The following TXLNB variants were observed in gnomAD, a reference collection of about 807,000 sequenced individuals.
The protein encoded by TXLNB is taxilin beta, also known as beta-taxilin.
TXLNB carries 37 observed loss-of-function variants against 57.4 expected under a neutral mutation model. That is an observed-to-expected ratio of 0.64 (90% CI 0.50 to 0.85). TXLNB has a LOEUF of 0.85. Ranked by LOEUF, TXLNB falls within the 40% of genes least tolerant of loss-of-function variation. The pLI is 0.00. For missense variants in TXLNB, 848 were observed against 825.6 expected, an observed-to-expected ratio of 1.03 and a Z score of -0.33; for synonymous variants, 302 against 309.6, an observed-to-expected ratio of 0.98 and a Z score of 0.26.
chr6:139,209,233 A>G, the TXLNB span, among the ~76,000 whole-genome samples: 1 of 152,186 alleles, frequency 6.6e-6, no homozygotes, highest in Non-Finnish European at 1.5e-5. Flanking sequence ...TTAGGAATAT[A>G]CCTAATCAAG....
the TXLNB span, among the ~76,000 whole-genome samples, chr6:139,173,565 T>C: frequency 6.6e-6 from 1 of 152,168 alleles, no homozygotes; most frequent in Non-Finnish European, 1.5e-5. Flanking sequence ...GTTCTCCTGA[T>C]GGTAGTTTTT....
At chr6:139,220,279 A>C in the TXLNB span, among the ~76,000 whole-genome samples, 3 of 152,144 alleles carry the variant, frequency 2.0e-5, no homozygotes, top group African/African-American at 7.2e-5. Flanking sequence ...GCAAGAAATA[A>C]ATTTCTGTTG....
chr6:139,232,412 A>C, the TXLNB span, among the ~76,000 whole-genome samples: 1 of 152,248 alleles, frequency 6.6e-6, no homozygotes, highest in Non-Finnish European at 1.5e-5. Flanking sequence ...ACACAGAGCC[A>C]AACCATATTA....
chr6:139,271,672 T>TTGTAGACC (rs1776767338), intron 3 of TXLNB: 1 of 152,142 alleles, frequency 6.6e-6, no homozygotes, highest in Non-Finnish European at 1.5e-5. Context: ...TATTATGGAG[T>TTGTAGACC]TGTAGACCTG....
At chr6:139,161,624 C>T in the TXLNB span, among the ~76,000 whole-genome samples, 11 of 152,308 alleles carry the variant, frequency 7.2e-5, no homozygotes, top group South Asian at 2.3e-3. Context: ...AATTTTTCCT[C>T]TCTTAATCCA....
intron 8 of TXLNB, among the ~76,000 whole-genome samples, chr6:139,247,333 G>T (rs1476361889): frequency 6.6e-6 from 1 of 151,896 alleles, no homozygotes; most frequent in Non-Finnish European, 1.5e-5. Context: ...GTAGAGACAG[G>T]GTTTCACCAT....
At chr6:139,261,710 GATATGGATAAT>G in intron 5 of TXLNB, among the ~76,000 whole-genome samples, 1 of 152,034 alleles carries the variant, frequency 6.6e-6, no homozygotes, top group African/African-American at 2.4e-5. Flanking sequence ...TCATCTATAA[GATATGGATAAT>G]ATATTATTAT....
chr6:139,251,889 G>A (rs1411421779), intron 7 of TXLNB, among the ~76,000 whole-genome samples: 2 of 152,168 alleles, frequency 1.3e-5, no homozygotes, highest in Non-Finnish European at 2.9e-5. Flanking sequence ...GGTATGGGGA[G>A]GACTTCAGAC....
chr6:139,202,241 A>G, the TXLNB span, among the ~76,000 whole-genome samples: 2 of 152,146 alleles, frequency 1.3e-5, no homozygotes, highest in African/African-American at 4.8e-5. Context: ...AAATCATGTG[A>G]CCTCTGGTTT....
Position 139,240,230 on chromosome 6 carries a change from T to C in TXLNB, c.*2296A>G, listed in dbSNP as rs1424317857. On this transcript the variant is annotated 3_prime_UTR_variant, in exon 10 of 10. Transcript: ENST00000358430. ...AATTTAGAACTTTATGAGTTATTGT[T>C]ATAATTAGTAAGGCTAAATTTTAAC... The C allele has an allele frequency of 6.6e-6, 1 of 152,644 alleles. No homozygotes were observed. Among genetic ancestry groups the C allele is most frequent in the East Asian group, 1.9e-4 (1 of 5,204 alleles). 9.5% of individuals were successfully genotyped at this position (152,644 alleles called of 1,614,324 possible).
At chr6:139,171,710 T>C in the TXLNB span, among the ~76,000 whole-genome samples, 1 of 152,220 alleles carries the variant, frequency 6.6e-6, no homozygotes, top group Non-Finnish European at 1.5e-5. Flanking sequence ...TACTGCAGCC[T>C]TGGACTGCTG....
intron 7 of TXLNB, among the ~76,000 whole-genome samples, chr6:139,250,548 G>A (rs1776178645): frequency 6.6e-6 from 1 of 151,702 alleles, no homozygotes; most frequent in African/African-American, 2.4e-5. Flanking sequence ...AGCAGATCCT[G>A]GTCACCTTCT....
chr6:139,202,739 T>C, the TXLNB span, among the ~76,000 whole-genome samples: 2 of 152,238 alleles, frequency 1.3e-5, no homozygotes, highest in Non-Finnish European at 2.9e-5. Context: ...TCTAGTTGTT[T>C]GAAAATATAC....
chr6:139,173,392 A>G, the TXLNB span, among the ~76,000 whole-genome samples: 1 of 152,216 alleles, frequency 6.6e-6, no homozygotes, highest in South Asian at 2.1e-4. Flanking sequence ...TCATGCAAGT[A>G]AATGCAAACG....
intron 8 of TXLNB, among the ~76,000 whole-genome samples, chr6:139,246,901 C>T (rs1360121554): frequency 1.4e-5 from 2 of 143,838 alleles, no homozygotes; most frequent in Non-Finnish European, 1.5e-5. Flanking sequence ...GCAACAAGAG[C>T]GAAATTCCAT....
At chr6:139,261,481 T>C (rs1776481004) in intron 5 of TXLNB, among the ~76,000 whole-genome samples, 1 of 152,200 alleles carries the variant, frequency 6.6e-6, no homozygotes, top group African/African-American at 2.4e-5. Context: ...TGTTACATTT[T>C]AAAGCAGAGA....
At chr6:139,286,264 C>G (rs953115547) in intron 2 of TXLNB, among the ~76,000 whole-genome samples, 36 of 149,796 alleles carry the variant, frequency 2.4e-4, no homozygotes, top group African/African-American at 8.1e-4. Context: ...AAACTCTCCT[C>G]CCTGTCAAGG....
chr6:139,218,560 C>G, the TXLNB span, among the ~76,000 whole-genome samples: 1 of 152,050 alleles, frequency 6.6e-6, no homozygotes, highest in South Asian at 2.1e-4. Flanking sequence ...CGAGACCAGC[C>G]TGACCAACAA....
chr6:139,169,103 A>G, the TXLNB span, among the ~76,000 whole-genome samples: 2 of 152,142 alleles, frequency 1.3e-5, no homozygotes, highest in Non-Finnish European at 2.9e-5. Flanking sequence ...TTGGCTCTAT[A>G]AACTTACCAT....
Sources: gnomAD v4.1 joint callset for allele counts (sites outside exome capture counted in the v4.1 genomes callset) on GRCh38, gnomAD v4.1.1 for gene constraint, MANE v1.5 for transcripts, NCBI Gene and HGNC (gene_info 2026-07-23, HGNC 2026-07-21) for gene names.